RP1L1: variants seen among roughly 807,000 people sequenced by gnomAD.
RP1L1 encodes the protein RP1 like 1.
Under a neutral mutation model 15.7 loss-of-function variants are expected in RP1L1, and 27 were observed. The ratio of observed to expected loss-of-function variants is 1.72; its 90% CI spans 1.27 to 2.38. The LOEUF (loss-of-function observed/expected upper bound fraction) is 2.38. RP1L1 is among the 30% of genes most tolerant of loss of function. The pLI is 0.00. For missense variants in RP1L1, 4,798 were observed against 3,075.9 expected, an observed-to-expected ratio of 1.56 and a Z score of -13.24; for synonymous variants, 1,813 against 1,276.7, an observed-to-expected ratio of 1.42 and a Z score of -8.96.
chr8:10,627,440 A>T (rs1015374560), intron 1 of RP1L1, among the ~76,000 whole-genome samples: 1 of 152,130 alleles, frequency 6.6e-6, no homozygotes, highest in African/African-American at 2.4e-5. Context: ...AGTCAATTTT[A>T]TAGAGACAGA....
Position 10,608,334 on chromosome 8 carries a change from C to T in RP1L1, c.5764G>A (p.Val1922Ile), listed in dbSNP as rs760292343. 9 of 1,612,652 alleles carry T rather than the reference C, an allele frequency of 5.6e-6. No homozygotes were observed. The African/African-American group carries it at 6.7e-5, about 12-fold the overall frequency. Residue 1922 changes from valine to isoleucine, a missense_variant, in exon 4 of 4, where the codon GTA (valine) becomes ATA (isoleucine). By Grantham distance (29) the Val-to-Ile change is conservative. Coordinates refer to ENST00000382483, the MANE Select transcript of RP1L1 (RefSeq NM_178857.6). ...EKEAQPETES[V>I]EALETEGEDE... ...TCCCCTTCAGTCTCCAGGGCCTCTA[C>T]ACTTTCTGTCTCTGGCTGGGCCTCC... is the stretch of plus-strand genomic sequence containing the variant.
At chr8:10,636,877 G>C (rs1422221803) in intron 1 of RP1L1, among the ~76,000 whole-genome samples, 2 of 152,194 alleles carry the variant, frequency 1.3e-5, no homozygotes, top group African/African-American at 4.8e-5. Flanking sequence ...TCACCTGGAT[G>C]GAACTGGAGT....
chr8:10,631,383 A>ATG (rs1279757596), intron 1 of RP1L1, among the ~76,000 whole-genome samples: 4,683 of 112,102 alleles, frequency 0.042, 332 homozygotes, highest in African/African-American at 0.14. Context: ...ACACAAACAC[A>ATG]CATGCACACA....
At chr8:10,620,547 A>C (rs1798041468) in intron 2 of RP1L1, among the ~76,000 whole-genome samples, 1 of 152,178 alleles carries the variant, frequency 6.6e-6, no homozygotes, top group Admixed American at 6.5e-5. Flanking sequence ...CAGAGGTTGC[A>C]GTGAGCCGAG....
intron 1 of RP1L1, among the ~76,000 whole-genome samples, chr8:10,650,716 C>T (rs962251684): frequency 3.3e-5 from 5 of 152,002 alleles, no homozygotes; most frequent in Admixed American, 1.3e-4. Context: ...TGTGTGCCAC[C>T]GCAACTGGCT....
chr8:10,615,057 A>T (rs1797943219), intron 3 of RP1L1, among the ~76,000 whole-genome samples: 1 of 152,220 alleles, frequency 6.6e-6, no homozygotes, highest in Non-Finnish European at 1.5e-5. Flanking sequence ...GGCTTTGCCC[A>T]GTCCTGGCCC....
intron 1 of RP1L1, among the ~76,000 whole-genome samples, chr8:10,634,631 G>A (rs1194279063): frequency 6.6e-6 from 1 of 152,174 alleles, no homozygotes; most frequent in African/African-American, 2.4e-5. Context: ...AGGTTTGGCA[G>A]AAGAGTGCCA....
intron 1 of RP1L1, among the ~76,000 whole-genome samples, chr8:10,650,399 C>T (rs576489720): frequency 5.9e-5 from 9 of 152,282 alleles, no homozygotes; most frequent in African/African-American, 1.9e-4. Flanking sequence ...AGACACAGAG[C>T]GGCATCAGCC....
At chr8:10,631,385 ATG>A (rs1798248235) in intron 1 of RP1L1, among the ~76,000 whole-genome samples, 1 of 131,322 alleles carries the variant, frequency 7.6e-6, no homozygotes, top group African/African-American at 2.9e-5. Flanking sequence ...ACAAACACAC[ATG>A]CACACACACG....
chr8:10,654,730 T>C (rs961571739), intron 1 of RP1L1, among the ~76,000 whole-genome samples, 168 bp downstream of exon 1: 1 of 152,122 alleles, frequency 6.6e-6, no homozygotes, highest in African/African-American at 2.4e-5. Context: ...CAGCAGGCCT[T>C]GCAGAAGAGA....
chr8:10,611,178 CAT>C lies in RP1L1; in HGVS notation c.2918_2919del (p.Tyr973Ter), dbSNP rs754276543. The C allele has an allele frequency of 6.2e-7, 1 of 1,612,990 alleles. No individual in the cohort carries two copies. Among genetic ancestry groups the C allele is most frequent in the South Asian group, 1.1e-5 (1 of 91,084 alleles). ...NIPEEPILMTYELADETTGAA... is the reference protein window; with the variant it reads ...NIPEEPILMTXELADETTGAA... The stretch of plus-strand genomic sequence containing the variant: ...GCACCTGTGGTCTCGTCCGCCAACT[CAT>C]ATGTCATGAGTATGGGCTCTTCTGG... On this transcript the variant is annotated frameshift_variant, in exon 4 of 4. Coordinates refer to ENST00000382483, the MANE Select transcript of RP1L1 (RefSeq NM_178857.6). LOFTEE classifies it low-confidence loss of function (END_TRUNC).
At chr8:10,614,932 A>G (rs1797941727) in intron 3 of RP1L1, among the ~76,000 whole-genome samples, 1 of 152,236 alleles carries the variant, frequency 6.6e-6, no homozygotes, top group Admixed American at 6.5e-5. Flanking sequence ...AATAAAAATA[A>G]ATAAATAAAA....
In RP1L1 at chr8:10,622,669, A is replaced by G. The variant is rs1488407414; in HGVS notation, c.533T>C (p.Leu178Pro). The change falls in exon 2 of 4, where the codon CTG becomes CCG. Residue 178 changes from leucine (L) to proline (P), a missense_variant. By Grantham distance (98) the Leu-to-Pro change is moderately conservative. Transcript: ENST00000382483. ...VVLSHRNTRN[L>P]AAFLGKASDL... Reference sequence around the variant, plus strand: ...TGAGGCTTTGCCGAGAAAGGCGGCCAGGTTCCTAGTATTCCTGTGACTGAG... The same window carrying G: ...TGAGGCTTTGCCGAGAAAGGCGGCCGGGTTCCTAGTATTCCTGTGACTGAG... 8.7e-6 allele frequency: 14 copies of G among 1,614,094 alleles called. No homozygotes were observed. The highest frequency in any genetic ancestry group is 1.2e-5 in the Non-Finnish European group (14 of 1,180,042).
intron 3 of RP1L1, among the ~76,000 whole-genome samples, chr8:10,613,926 T>C (rs1797923467): frequency 6.6e-6 from 1 of 152,260 alleles, no homozygotes; most frequent in Non-Finnish European, 1.5e-5. Flanking sequence ...TGCTGCTTAC[T>C]AGCTGCGTAG....
At chr8:10,646,253 C>T (rs1016378774) in intron 1 of RP1L1, among the ~76,000 whole-genome samples, 24 of 152,326 alleles carry the variant, frequency 1.6e-4, no homozygotes, top group African/African-American at 4.6e-4. Flanking sequence ...TATTCTATCT[C>T]CATTTTATGG....
intron 1 of RP1L1, among the ~76,000 whole-genome samples, chr8:10,651,607 G>A (rs1176760985): frequency 6.6e-6 from 1 of 151,860 alleles, no homozygotes; most frequent in Non-Finnish European, 1.5e-5. Flanking sequence ...CGTGCCTGTA[G>A]TCCCAGCTAC....
rs1303507157 is a variant in RP1L1, at chr8:10,622,637, G to A, written c.565C>T (p.Leu189=). The change falls in exon 2 of 4, where the codon CTG becomes TTG. Residue 189 remains leucine, a synonymous_variant. Transcript: ENST00000382483. ...AAFLGKASDL[L]RFPVKQLYTT... ...TACAACTGCTTCACAGGAAAGCGCA[G>A]GAGATCTGAGGCTTTGCCGAGAAAG... 6.2e-7 allele frequency: 1 copy of A among 1,614,206 alleles called. No homozygotes were observed. The highest frequency in any genetic ancestry group is 8.5e-7 in the Non-Finnish European group (1 of 1,180,036).
At chr8:10,624,063 G>A (rs1798118953) in intron 1 of RP1L1, among the ~76,000 whole-genome samples, 1 of 152,182 alleles carries the variant, frequency 6.6e-6, no homozygotes, top group African/African-American at 2.4e-5. Context: ...TCCCCAGTAT[G>A]ACCTTATCTT....
chr8:10,631,726 C>T (rs1798255552), intron 1 of RP1L1, among the ~76,000 whole-genome samples: 1 of 152,206 alleles, frequency 6.6e-6, no homozygotes, highest in South Asian at 2.1e-4. Context: ...CTGCCAGTGC[C>T]GCCCGAGCCT....
Sources: allele counts gnomAD v4.1 joint callset (sites outside exome capture counted in the v4.1 genomes callset), GRCh38; gene constraint gnomAD v4.1.1; transcripts MANE v1.5; gene names NCBI Gene and HGNC (gene_info 2026-07-23, HGNC 2026-07-21).